Variants in TSPAN8 observed in about 807,000 individuals in gnomAD.
TSPAN8 encodes tetraspanin-8.
TSPAN8 carries 21 observed loss-of-function variants against 32.8 expected under a neutral mutation model. That is an observed-to-expected ratio of 0.64 (90% CI 0.45 to 0.92). TSPAN8 has a LOEUF of 0.92. Among genes scored for constraint, TSPAN8 ranks in the 40% least tolerant of loss-of-function variants. The probability of loss-of-function intolerance (pLI) is 0.00; values close to 1 mark genes in which losing one functional copy is unlikely to be tolerated. For missense variants in TSPAN8, 269 were observed against 281.9 expected (o/e 0.95, Z 0.33); for synonymous variants, 95 against 94.6 (o/e 1.00, Z -0.03).
intron 2 of TSPAN8, among the ~76,000 whole-genome samples, chr12:71,147,042 G>A (rs373055632): frequency 1.9e-4 from 29 of 152,200 alleles, no homozygotes; most frequent in East Asian, 7.7e-4. Flanking sequence ...GGTCCTCACC[G>A]GAAACTCAGT....
At chr12:71,132,320 T>C (rs1263649633) in intron 7 of TSPAN8, among the ~76,000 whole-genome samples, 4 of 152,054 alleles carry the variant, frequency 2.6e-5, no homozygotes, top group South Asian at 2.1e-4. Flanking sequence ...ACAAAAAACA[T>C]TGAAAATTGT....
At chr12:71,137,472 T>C (rs151042178) in intron 6 of TSPAN8, among the ~76,000 whole-genome samples, 8 of 152,004 alleles carry the variant, frequency 5.3e-5, no homozygotes, top group Non-Finnish European at 1.0e-4. Context: ...TGGTGGCGCA[T>C]GTCTGTAGTC....
intron 6 of TSPAN8, among the ~76,000 whole-genome samples, chr12:71,135,313 T>G (rs1180416237): frequency 8.1e-3 from 399 of 49,172 alleles, no homozygotes; most frequent in Admixed American, 9.6e-3. Flanking sequence ...GAGGGGGAGG[T>G]GGCACAGGGA....
intron 8 of TSPAN8, among the ~76,000 whole-genome samples, chr12:71,128,705 G>A (rs984751996): frequency 1.3e-5 from 2 of 150,764 alleles, no homozygotes; most frequent in African/African-American, 4.9e-5. Flanking sequence ...TCCTATGTGG[G>A]ATATTTTTCC....
At chr12:71,145,574 T>C (rs1872051020) in intron 2 of TSPAN8, among the ~76,000 whole-genome samples, 1 of 152,160 alleles carries the variant, frequency 6.6e-6, no homozygotes, top group African/African-American at 2.4e-5. Context: ...CTTACTTCTC[T>C]AACCCTGAGA....
chr12:71,137,327 G>A lies in TSPAN8; in HGVS notation c.444+626C>T, dbSNP rs1015913264. On this transcript the variant is annotated intron_variant, in intron 6 of 8. Coordinates refer to ENST00000247829, the MANE Select transcript of TSPAN8 (RefSeq NM_004616.3). ...AAAAGAAGAGAGAGAGGCCATGTGC[G>A]GTGGCTCACCTCTGTAATCCCAGCA... Among the ~76,000 whole-genome samples the A allele has an allele frequency of 3.9e-5, 6 of 151,970 alleles. 1 individual carries two copies. Among genetic ancestry groups the A allele is most frequent in the Admixed American group, 1.3e-4 (2 of 15,256 alleles).
At chr12:71,127,860 C>T (rs1871394121) in intron 8 of TSPAN8, among the ~76,000 whole-genome samples, 1 of 152,138 alleles carries the variant, frequency 6.6e-6, no homozygotes, top group South Asian at 2.1e-4. Flanking sequence ...AGTCAATTGT[C>T]AGAACTTGAG....
intron 7 of TSPAN8, 64 bp from the exon 8 acceptor site, chr12:71,129,478 AT>A: frequency 7.1e-7 from 1 of 1,416,946 alleles, no homozygotes; most frequent in Non-Finnish European, 9.4e-7. Context: ...ATTAATCAAA[AT>A]TTTTATTAAT....
At chr12:71,141,095 G>A (rs1041604454) in intron 3 of TSPAN8, among the ~76,000 whole-genome samples, 1 of 152,136 alleles carries the variant, frequency 6.6e-6, no homozygotes. Flanking sequence ...TTTTGTCAGG[G>A]TCCTAATAAA....
intron 6 of TSPAN8, among the ~76,000 whole-genome samples, chr12:71,137,319 C>T (rs995527049): frequency 3.9e-5 from 6 of 151,900 alleles, no homozygotes; most frequent in Non-Finnish European, 8.8e-5. Context: ...GAGAGAGAGG[C>T]CATGTGCGGT....
chr12:71,140,021 A>G (rs1006071820), intron 3 of TSPAN8, among the ~76,000 whole-genome samples, 173 bp from the exon 4 acceptor site: 2 of 75,004 alleles, frequency 2.7e-5, no homozygotes, highest in South Asian at 3.3e-4. Flanking sequence ...CTCACATTCT[A>G]TTGAAGTGCT....
intron 4 of TSPAN8, chr12:71,139,357 G>A: frequency 2.2e-6 from 1 of 452,080 alleles, no homozygotes; most frequent in Non-Finnish European, 4.2e-6. Flanking sequence ...TGCTTCTGGG[G>A]CCACTCCCAC....
chr12:71,139,581 A>T (rs1871831167), intron 4 of TSPAN8, 130 bp downstream of exon 4: 2 of 1,277,710 alleles, frequency 1.6e-6, no homozygotes, highest in Non-Finnish European at 2.1e-6. Flanking sequence ...TTCCACAATC[A>T]AACCTTCTAA....
At chr12:71,125,836 C>A (rs375576188) in intron 8 of TSPAN8, among the ~76,000 whole-genome samples, 2 of 152,258 alleles carry the variant, frequency 1.3e-5, no homozygotes, top group African/African-American at 2.4e-5. Flanking sequence ...TCTAGAATTT[C>A]TCTTGCTGTA....
chr12:71,125,451 A>T (rs532942915), intron 8 of TSPAN8, 64 bp from the exon 9 acceptor site: 2 of 1,322,178 alleles, frequency 1.5e-6, no homozygotes, highest in African/African-American at 1.5e-5. Context: ...CATTATAAAT[A>T]AACAGAAAGA....
In TSPAN8 at chr12:71,138,249, AAT is replaced by A. The variant is rs1195694439; in HGVS notation, c.262-21_262-20del. ...TGAAAAACTGAAGAAGAGAAAAAGA[AAT>A]ATACATTATCCTCAGTGCATTCAGT... On this transcript the variant is annotated intron_variant, in intron 4 of 8. Coordinates refer to ENST00000247829, the MANE Select transcript of TSPAN8 (RefSeq NM_004616.3). 6.2e-7 allele frequency: 1 copy of A among 1,611,272 alleles called. No individual in the cohort carries two copies. Among genetic ancestry groups the A allele is most frequent in the African/African-American group, 1.3e-5 (1 of 74,766 alleles).
At chr12:71,139,279 C>A in intron 4 of TSPAN8, 1 of 461,386 alleles carries the variant, frequency 2.2e-6, no homozygotes, top group Non-Finnish European at 4.3e-6. Context: ...CTTTTCCTAC[C>A]CTCACTCATA....
chr12:71,154,133 AC>A (rs1472966070), intron 2 of TSPAN8, among the ~76,000 whole-genome samples: 2 of 151,842 alleles, frequency 1.3e-5, no homozygotes, highest in Admixed American at 1.3e-4. Context: ...ACATGGCAAA[AC>A]CCTGTCTCCA....
intron 2 of TSPAN8, among the ~76,000 whole-genome samples, chr12:71,148,625 A>G (rs1348692460): frequency 6.6e-6 from 1 of 152,104 alleles, no homozygotes; most frequent in Non-Finnish European, 1.5e-5. Flanking sequence ...CTTTTTCAGG[A>G]GTACAGCTTA....
Sources: allele counts gnomAD v4.1 joint callset (sites outside exome capture counted in the v4.1 genomes callset), GRCh38; gene constraint gnomAD v4.1.1; transcripts MANE v1.5; gene names NCBI Gene and HGNC (gene_info 2026-07-23, HGNC 2026-07-21).